The following PSMD4 variants were observed in gnomAD, a reference collection of about 807,000 sequenced individuals.
PSMD4 encodes 26S proteasome non-ATPase regulatory subunit 4.
In PSMD4, 5 loss-of-function variants were observed where a neutral mutation model predicts 39.7. That is an observed-to-expected ratio of 0.13 (90% CI 0.07 to 0.26). PSMD4 has a LOEUF of 0.26. Ranked by LOEUF, PSMD4 falls within the 10% of genes least tolerant of loss-of-function variation. The pLI is 1.00. For synonymous variants in PSMD4, 143 were observed against 174.6 expected (o/e 0.82, Z 1.43); for missense variants, 272 against 486.1 (o/e 0.56, Z 4.14).
At chr1:151,267,081 G>A (rs1693467443) in intron 9 of PSMD4, 92 bp from the exon 10 acceptor site, 1 of 1,454,404 alleles carries the variant, frequency 6.9e-7, no homozygotes, top group Non-Finnish European at 9.7e-7. Flanking sequence ...AGAAGGCAGG[G>A]GGCCTCTGGC....
intron 3 of PSMD4, among the ~76,000 whole-genome samples, 200 bp from the exon 4 acceptor site, chr1:151,264,630 AAG>A (rs1055112708): frequency 2.6e-5 from 4 of 151,918 alleles, no homozygotes; most frequent in African/African-American, 9.7e-5. Context: ...AAAAGAGAGA[AAG>A]AGAATTAACC....
In PSMD4 at chr1:151,260,104, G is replaced by A. The variant is rs148369558; in HGVS notation, c.27-2057G>A. Among the ~76,000 whole-genome samples the A allele has an allele frequency of 4.4e-3, 664 of 151,930 alleles. 6 individuals are homozygous for A. The highest frequency in any genetic ancestry group is 0.015 in the African/African-American group (630 of 41,430). ...ATCCCAGCTACTTAGGAGGCTGAGGGAGGAGAATTGCTTGAACCTGGTAGG... is the reference window on the plus strand; with the variant it reads ...ATCCCAGCTACTTAGGAGGCTGAGGAAGGAGAATTGCTTGAACCTGGTAGG... On this transcript the variant is annotated intron_variant, in intron 1 of 9. Transcript: ENST00000368884.
intron 1 of PSMD4, among the ~76,000 whole-genome samples, chr1:151,258,447 G>T (rs1468906961): frequency 9.9e-6 from 1 of 100,808 alleles, no homozygotes; most frequent in Non-Finnish European, 2.2e-5. Context: ...TACCCTTTTC[G>T]AGTGTTTTTT....
rs1315647267 is a variant in PSMD4 at position 151,267,310 on chromosome 1, CAAG to C, written c.1105_1107del (p.Lys369del). The C allele has an allele frequency of 6.2e-7, 1 of 1,613,624 alleles. No individual in the cohort carries two copies. The highest frequency in any genetic ancestry group is 8.5e-7 in the Non-Finnish European group (1 of 1,179,812). ...TGGCCTCCCAGGCCACCAAGGACGG[CAAG>C]AAGGACAAGAAGGAGGAAGACAAGA... On this transcript the variant is annotated inframe_deletion, in exon 10 of 10. Coordinates refer to ENST00000368884, the MANE Select transcript of PSMD4 (RefSeq NM_002810.4).
At chr1:151,266,157 A>G (rs984196849) in intron 7 of PSMD4, 45 bp downstream of exon 7, 1 of 1,590,024 alleles carries the variant, frequency 6.3e-7, no homozygotes, top group African/African-American at 1.3e-5. Context: ...GGGATGCTAA[A>G]CATTGAAAGC....
Position 151,266,877 on chromosome 1 carries a change from A to AGGAGAACT in PSMD4, c.963+293_964-286dup. On this transcript the variant is annotated intron_variant, in intron 9 of 9. Coordinates refer to ENST00000368884, the MANE Select transcript of PSMD4 (RefSeq NM_002810.4). ...AAAAGCGGGTCTGGGAAAAAGAAAA[A>AGGAGAACT]GGAGAACTGGGTGTCTTGAGAGCAG... The AGGAGAACT allele has an allele frequency of 9.9e-6, 7 of 708,538 alleles. No homozygotes were observed. In the South Asian group the frequency reaches 1.1e-4, roughly 11 times the overall value. The allele number at this position is 708,538 out of a possible 1,614,324, so 43.9% of individuals were successfully genotyped here.
In PSMD4 at chr1:151,264,912, GA is replaced by G; in HGVS notation, c.365del (p.Lys122ArgfsTer4). On this transcript the variant is annotated frameshift_variant, in exon 4 of 10. Transcript: ENST00000368884. LOFTEE classifies it high-confidence loss of function. ...TGGGAAGCCCAGTGGAGGACAATGA[GA>G]AGGATGTGAGTCCAAGTGGCAGCTG... is the stretch of plus-strand genomic sequence containing the variant. ...FVGSPVEDNE[K>X]DLVKLAKRLK... 6.2e-7 allele frequency: 1 copy of G among 1,610,890 alleles called. No homozygotes were observed. The highest frequency in any genetic ancestry group is 8.5e-7 in the Non-Finnish European group (1 of 1,177,628).
In PSMD4 at chr1:151,264,852, A is replaced by G. The variant is rs1693393001; in HGVS notation, c.303A>G (p.Gln101=). The change falls in exon 4 of 10, where the codon CAA becomes CAG. Residue 101 remains glutamine, a synonymous_variant. Coordinates refer to ENST00000368884, the MANE Select transcript of PSMD4 (RefSeq NM_002810.4). ...ACAAGCTGGCTCTGAAGCACCGACA[A>G]GGCAAGAATCACAAGATGCGCATCA... ...RVAHLALKHR[Q]GKNHKMRIIA... 1 of 1,613,636 alleles carries G rather than the reference A, an allele frequency of 6.2e-7. No individual in the cohort carries two copies. The highest frequency in any genetic ancestry group is 1.6e-4 in the Middle Eastern group (1 of 6,084).
chr1:151,265,109 C>A, intron 4 of PSMD4, 57 bp from the exon 5 acceptor site: 1 of 1,409,608 alleles, frequency 7.1e-7, no homozygotes, highest in South Asian at 1.3e-5. Context: ...TGCGGCGGGT[C>A]CTTTCCCCCC....
intron 2 of PSMD4, 199 bp from the exon 3 acceptor site, chr1:151,263,715 C>T (rs1693367319): frequency 2.9e-6 from 1 of 346,848 alleles, no homozygotes; most frequent in African/African-American, 2.1e-5. Context: ...CCCGTAGTCC[C>T]AGCTACTTGG....
intron 1 of PSMD4, among the ~76,000 whole-genome samples, chr1:151,259,745 A>T (rs2101836345): frequency 6.6e-6 from 1 of 152,110 alleles, no homozygotes; most frequent in Non-Finnish European, 1.5e-5. Flanking sequence ...AATAAATAAA[A>T]AATGTGGTTT....
chr1:151,265,671 A>G (rs1693415829), intron 6 of PSMD4, 62 bp downstream of exon 6: 1 of 1,526,598 alleles, frequency 6.6e-7, no homozygotes. Flanking sequence ...TCTGGCACAC[A>G]CATCACAGAG....
intron 9 of PSMD4, 54 bp downstream of exon 9, chr1:151,266,641 A>C: frequency 1.7e-5 from 27 of 1,581,780 alleles, no homozygotes; most frequent in East Asian, 2.3e-5. Context: ...TTAGATCCTC[A>C]TCCCTCTGGG....
intron 1 of PSMD4, among the ~76,000 whole-genome samples, chr1:151,258,680 C>CG: frequency 6.6e-6 from 1 of 151,810 alleles, no homozygotes; most frequent in Non-Finnish European, 1.5e-5. Flanking sequence ...AGGCTGGTCT[C>CG]GAACTCTTGG....
intron 1 of PSMD4, among the ~76,000 whole-genome samples, chr1:151,257,473 G>T (rs587637499): frequency 2.0e-5 from 3 of 152,234 alleles, no homozygotes; most frequent in East Asian, 3.9e-4. Context: ...GTTCTTTGAA[G>T]AATGTTTTTG....
chr1:151,266,714 A>T (rs1315441988), intron 9 of PSMD4, 127 bp downstream of exon 9: 1 of 1,133,208 alleles, frequency 8.8e-7, no homozygotes, highest in Non-Finnish European at 1.3e-6. Context: ...ATGGATTTGC[A>T]TTTCTTACAT....
chr1:151,262,694 G>A, intron 2 of PSMD4: 1 of 197,634 alleles, frequency 5.1e-6, no homozygotes, highest in African/African-American at 2.3e-5. Flanking sequence ...AATTAGCCAG[G>A]CATGGTGGTG....
Position 151,267,305 on chromosome 1 carries a change from G to A in PSMD4, c.1096G>A (p.Asp366Asn). The part of the protein sequence containing the change: ...MGSLASQATK[D>N]GKKDKKEEDK... ...CTCCCTGGCCTCCCAGGCCACCAAG[G>A]ACGGCAAGAAGGACAAGAAGGAGGA... Residue 366 changes from aspartate to asparagine, a missense_variant, in exon 10 of 10, where the codon GAC (aspartate) becomes AAC (asparagine). Physicochemically the swap from Asp to Asn is conservative, Grantham distance 23 (BLOSUM62 1). This residue lies in a region of PSMD4 where 113 missense variants were observed against 184.6 expected (regional missense o/e 0.61). Transcript: ENST00000368884. The A allele has an allele frequency of 6.2e-7, 1 of 1,613,918 alleles. No homozygotes were observed. Among genetic ancestry groups the A allele is most frequent in the Non-Finnish European group, 8.5e-7 (1 of 1,179,840 alleles).
intron 1 of PSMD4, among the ~76,000 whole-genome samples, chr1:151,260,577 C>CT (rs1284993195): frequency 3.3e-5 from 5 of 152,004 alleles, no homozygotes; most frequent in Non-Finnish European, 7.4e-5. Context: ...TTATAGACCT[C>CT]TTTTTTTTGA....
Sources: gnomAD v4.1 joint callset for allele counts (sites outside exome capture counted in the v4.1 genomes callset) on GRCh38, gnomAD v4.1.1 for gene constraint, gnomAD v4.1.1 regional missense constraint, MANE v1.5 for transcripts, NCBI Gene and HGNC (gene_info 2026-07-23, HGNC 2026-07-21) for gene names.